Variants in RAI1 observed in about 807,000 individuals in gnomAD.
RAI1 encodes the protein retinoic acid-induced protein 1.
Under a neutral mutation model 123.8 loss-of-function variants are expected in RAI1, and 9 were observed. That is an observed-to-expected ratio of 0.07 (90% CI 0.04 to 0.13). RAI1 has a LOEUF of 0.13. RAI1 is among the 10% of genes least tolerant of loss of function. The probability of loss-of-function intolerance (pLI) is 1.00; values close to 1 mark genes in which losing one functional copy is unlikely to be tolerated. For synonymous variants in RAI1, 1,231 were observed against 1,127.3 expected (o/e 1.09, Z -1.84); for missense variants, 2,256 against 2,545.8 (o/e 0.89, Z 2.45).
chr17:17,786,426 G>A (rs1206703878), intron 2 of RAI1, among the ~76,000 whole-genome samples: 1 of 152,200 alleles, frequency 6.6e-6, no homozygotes, highest in Non-Finnish European at 1.5e-5. Context: ...TGGAACTTTT[G>A]TTCTAAAGAG....
Position 17,795,952 on chromosome 17 carries a change from C to T in RAI1, c.3004C>T (p.Arg1002Trp), listed in dbSNP as rs750958306. Reference protein sequence around the residue: ...VPRGKSLRSRRVHRGLPEAED... With the variant: ...VPRGKSLRSRWVHRGLPEAED... ...ACGGGGCAAAAGCTTACGGAGCCGT[C>T]GGGTGCACCGGGGGCTGCCCGAGGC... The change falls in exon 3 of 6, where the codon CGG becomes TGG. Residue 1002 changes from arginine to tryptophan, a missense_variant. By Grantham distance (101) the Arg-to-Trp change is moderately radical (BLOSUM62 -3). Coordinates refer to ENST00000353383, the MANE Select transcript of RAI1 (RefSeq NM_030665.4). This position sits in a 1 kb window ranked among gnomAD's most constrained non-coding sequence, Gnocchi z 5.9. The T allele has an allele frequency of 8.7e-6, 14 of 1,605,268 alleles. No individual in the cohort carries two copies. The highest frequency in any genetic ancestry group is 4.2e-6 in the Non-Finnish European group (5 of 1,178,100).
intron 2 of RAI1, among the ~76,000 whole-genome samples, chr17:17,737,640 CT>C (rs1443645251): frequency 1.3e-5 from 2 of 152,184 alleles, no homozygotes; most frequent in African/African-American, 4.8e-5. Context: ...AAGCCTGTAC[CT>C]TTCCTCCAGT....
chr17:17,790,119 T>G (rs1186995542), intron 2 of RAI1, among the ~76,000 whole-genome samples: 1 of 151,178 alleles, frequency 6.6e-6, no homozygotes. Context: ...CTGCCTCGCC[T>G]TCTGTGTCCT....
intron 2 of RAI1, among the ~76,000 whole-genome samples, chr17:17,743,877 CG>C (rs1257690353): frequency 6.6e-6 from 1 of 152,164 alleles, no homozygotes; most frequent in African/African-American, 2.4e-5. Context: ...GCATGGAGCC[CG>C]GATCCACTCT....
Position 17,790,036 on chromosome 17 carries a change from G to C in RAI1, c.-16-2897G>C, listed in dbSNP as rs571634680. On this transcript the variant is annotated intron_variant, in intron 2 of 5. Transcript: ENST00000353383. Reference sequence around the variant, plus strand: ...ACCATCGTTCTGCCGGGGCCAGGGAGGGGGGTGCTCTTTCTGCCCCCTCCT... The same window carrying C: ...ACCATCGTTCTGCCGGGGCCAGGGACGGGGGTGCTCTTTCTGCCCCCTCCT... Among the ~76,000 whole-genome samples the C allele has an allele frequency of 2.4e-4, 37 of 152,306 alleles. No individual in the cohort carries two copies. The East Asian group carries it at 6.2e-3, about 25-fold the overall frequency.
In RAI1 at chr17:17,810,723, C is replaced by T. The variant is rs2032728855; in HGVS notation, c.*742C>T. On this transcript the variant is annotated 3_prime_UTR_variant, in exon 6 of 6. Transcript: ENST00000353383. This position sits in a 1 kb window ranked among gnomAD's most constrained non-coding sequence, Gnocchi z 4.6. Reference sequence around the variant, plus strand: ...GGGACACCCTTTGGCCTCTGTTTGTCCCCTTTCCAGTCCTCCACCCCACCC... The same window carrying T: ...GGGACACCCTTTGGCCTCTGTTTGTTCCCTTTCCAGTCCTCCACCCCACCC... 2.3e-6 allele frequency: 1 copy of T among 432,774 alleles called. No homozygotes were observed. The highest frequency in any genetic ancestry group is 2.5e-5 in the Admixed American group (1 of 40,778). 26.8% of individuals were successfully genotyped at this position (432,774 alleles called of 1,614,324 possible).
At position 17,797,248 on chromosome 17, in the gene RAI1, G is replaced by T. The variant is rs777465583; in HGVS notation, c.4300G>T (p.Ala1434Ser). The T allele has an allele frequency of 1.9e-6, 3 of 1,613,282 alleles. No individual in the cohort carries two copies. The highest frequency in any genetic ancestry group is 2.2e-5 in the South Asian group (2 of 91,090). ...AACCGAGGCCTTCACATCCCCGGAG[G>T]CCCTGCAGCCTGGGGGGACTGCCCT... ...FKTEAFTSPE[A>S]LQPGGTALAP... Residue 1434 changes from alanine to serine, a missense_variant, in exon 3 of 6, where the codon GCC becomes TCC. By Grantham distance (99) the Ala-to-Ser change is moderately conservative. This residue lies in a region of RAI1 where 410 missense variants were observed against 374.6 expected (regional missense o/e 1.09). Coordinates refer to ENST00000353383, the MANE Select transcript of RAI1 (RefSeq NM_030665.4).
At position 17,687,366 on chromosome 17, in the gene RAI1, G is replaced by C. The variant is rs147618047; in HGVS notation, c.-149+5573G>C. Among the ~76,000 whole-genome samples, 387 of 152,268 alleles carry C rather than the reference G, an allele frequency of 2.5e-3. 3 individuals are homozygous for C. The highest frequency in any genetic ancestry group is 3.9e-3 in the Non-Finnish European group (267 of 68,028). The stretch of plus-strand genomic sequence containing the variant: ...TCTGTAAATGGGGGAAGAGTGGACT[G>C]CTCTTGCACTGATGGTCTGTGGACC... On this transcript the variant is annotated intron_variant, in intron 1 of 5. Coordinates refer to ENST00000353383, the MANE Select transcript of RAI1 (RefSeq NM_030665.4).
Position 17,797,353 on chromosome 17 carries a change from C to T in RAI1, c.4405C>T (p.Leu1469Phe). 2 of 1,612,400 alleles carry T rather than the reference C, an allele frequency of 1.2e-6. No homozygotes were observed. Among genetic ancestry groups the T allele is most frequent in the Non-Finnish European group, 1.7e-6 (2 of 1,179,692 alleles). ...AGGCCCGCTGGAGAAGCGGCCCTAT[C>T]TTGGCCCGGCTCTGCTCCTGACTCC... Reference protein sequence around the residue: ...SKGPLEKRPYLGPALLLTPRD... With the variant: ...SKGPLEKRPYFGPALLLTPRD... Residue 1469 changes from leucine (L) to phenylalanine (F), a missense_variant, in exon 3 of 6, where the codon CTT becomes TTT. Leu to Phe is a conservative substitution (Grantham distance 22). Coordinates refer to ENST00000353383, the MANE Select transcript of RAI1 (RefSeq NM_030665.4).
At chr17:17,683,874 C>A (rs1914531271) in intron 1 of RAI1, 1 of 152,134 alleles carries the variant, frequency 6.6e-6, no homozygotes, top group African/African-American at 2.4e-5. Context: ...CTGTCTTACT[C>A]CTCTTTGTTT....
intron 2 of RAI1, among the ~76,000 whole-genome samples, chr17:17,751,055 T>G (rs542400327): frequency 1.3e-5 from 2 of 152,146 alleles, no homozygotes; most frequent in Non-Finnish European, 2.9e-5. Flanking sequence ...CGACTTCCGG[T>G]TTTGTCTTTC....
intron 1 of RAI1, among the ~76,000 whole-genome samples, chr17:17,722,245 G>A (rs899628310): frequency 9.9e-5 from 15 of 152,202 alleles, no homozygotes; most frequent in Non-Finnish European, 1.8e-4. Flanking sequence ...AGAAAGGTGG[G>A]TGGATGCAGC....
At position 17,785,402 on chromosome 17, in the gene RAI1, T is replaced by G. The variant is rs539213513; in HGVS notation, c.-16-7531T>G. On this transcript the variant is annotated intron_variant, in intron 2 of 5. Coordinates refer to ENST00000353383, the MANE Select transcript of RAI1 (RefSeq NM_030665.4). ...CAAGTAATACTGAAGGGACATCGAC[T>G]CTGGGGCCAGTTTCTGGGTTTGGAG... Among the ~76,000 whole-genome samples, 5 of 152,342 alleles carry G rather than the reference T, an allele frequency of 3.3e-5. No homozygotes were observed. In the South Asian group the frequency reaches 1.0e-3, roughly 32 times the overall value.
chr17:17,765,637 G>A (rs1598063449), intron 2 of RAI1, among the ~76,000 whole-genome samples: 1 of 152,252 alleles, frequency 6.6e-6, no homozygotes, highest in East Asian at 1.9e-4. Context: ...ACACGTGTGA[G>A]GAATCTCCCT....
Position 17,797,226 on chromosome 17 carries a change from C to A in RAI1, c.4278C>A (p.Thr1426=). ...TGTCTTCTACTGACTGTTTCAAAACCGAGGCCTTCACATCCCCGGAGGCCC... is the reference window on the plus strand; with the variant it reads ...TGTCTTCTACTGACTGTTTCAAAACAGAGGCCTTCACATCCCCGGAGGCCC... ...KKLSSTDCFK[T]EAFTSPEALQ... Residue 1426 remains threonine, a synonymous_variant, in exon 3 of 6, where the codon ACC becomes ACA. Coordinates refer to ENST00000353383, the MANE Select transcript of RAI1 (RefSeq NM_030665.4). 1 of 1,613,688 alleles carries A rather than the reference C, an allele frequency of 6.2e-7. No homozygotes were observed. Among genetic ancestry groups the A allele is most frequent in the Non-Finnish European group, 8.5e-7 (1 of 1,180,042 alleles).
chr17:17,723,795 C>A (rs1408242258), intron 1 of RAI1, among the ~76,000 whole-genome samples: 3 of 150,310 alleles, frequency 2.0e-5, no homozygotes, highest in Admixed American at 6.6e-5. Flanking sequence ...GCGCCAGCAT[C>A]GCGCTTACCG....
In RAI1 at chr17:17,796,902, G is replaced by A. The variant is rs2032280937; in HGVS notation, c.3954G>A (p.Val1318=). Residue 1318 remains valine, a synonymous_variant, in exon 3 of 6, where the codon GTG becomes GTA. Coordinates refer to ENST00000353383, the MANE Select transcript of RAI1 (RefSeq NM_030665.4). This position sits in a 1 kb window ranked among gnomAD's most constrained non-coding sequence, Gnocchi z 5.8. ...TCCAGGGGGCCATGAAGACCAAGGT[G>A]CTGCCACCCCGGAAGGGCCGGGGCC... ...AAFQGAMKTK[V]LPPRKGRGLK... is the part of the protein sequence containing the mutation. The A allele has an allele frequency of 1.2e-6, 2 of 1,613,208 alleles. No individual in the cohort carries two copies. Among genetic ancestry groups the A allele is most frequent in the Non-Finnish European group, 1.7e-6 (2 of 1,180,040 alleles).
chr17:17,760,012 G>A (rs2030621082), intron 2 of RAI1, among the ~76,000 whole-genome samples: 1 of 152,150 alleles, frequency 6.6e-6, no homozygotes, highest in Admixed American at 6.5e-5. Context: ...AAAGCAGAAG[G>A]GAAATAAATG....
chr17:17,810,278 A>G lies in RAI1; in HGVS notation c.*297A>G. ...GAGGGGGAGCCCGCGGAGCGGCCAG[A>G]CTCCCCGGGGCGCTCAGCCTCCGGC... On this transcript the variant is annotated 3_prime_UTR_variant, in exon 6 of 6. Transcript: ENST00000353383. This position sits in a 1 kb window ranked among gnomAD's most constrained non-coding sequence, Gnocchi z 4.6. The G allele has an allele frequency of 2.1e-6, 1 of 484,392 alleles. No homozygotes were observed. The highest frequency in any genetic ancestry group is 3.6e-6 in the Non-Finnish European group (1 of 276,138). 30.0% of individuals were successfully genotyped at this position (484,392 alleles called of 1,614,324 possible).
Sources: gnomAD v4.1 joint callset for allele counts (sites outside exome capture counted in the v4.1 genomes callset) on GRCh38, gnomAD v4.1.1 for gene constraint, gnomAD v4.1.1 regional missense constraint, Gnocchi (gnomAD v3.1) non-coding constraint, MANE v1.5 for transcripts, NCBI Gene and HGNC (gene_info 2026-07-23, HGNC 2026-07-21) for gene names.